Variants in GRIA1 observed in about 807,000 individuals in gnomAD.
GRIA1 encodes the protein glutamate receptor 1.
Under a neutral mutation model 99.2 loss-of-function variants are expected in GRIA1, and 31 were observed. That is an observed-to-expected ratio of 0.31 (90% CI 0.23 to 0.42). The LOEUF is 0.42. Ranked by LOEUF, GRIA1 falls within the 10% of genes least tolerant of loss-of-function variation. The pLI is 1.00. For missense variants in GRIA1, 782 were observed against 1,157.5 expected (o/e 0.68, Z 4.71); for synonymous variants, 438 against 432.4 (o/e 1.01, Z -0.16).
chr5:153,610,449 G>A (rs1309424500), intron 2 of GRIA1, among the ~76,000 whole-genome samples: 1 of 152,204 alleles, frequency 6.6e-6, no homozygotes, highest in African/African-American at 2.4e-5. Context: ...ATTCCCTGGG[G>A]AAGACAAAAG....
intron 2 of GRIA1, among the ~76,000 whole-genome samples, chr5:153,515,087 C>T (rs1322138843): frequency 2.0e-5 from 3 of 152,096 alleles, no homozygotes; most frequent in Non-Finnish European, 2.9e-5. Flanking sequence ...TATCATGATT[C>T]AACCAATTGA....
intron 11 of GRIA1, among the ~76,000 whole-genome samples, chr5:153,747,528 A>G (rs534322157): frequency 9.2e-5 from 14 of 152,340 alleles, no homozygotes; most frequent in African/African-American, 2.9e-4. Flanking sequence ...ATAAATGTCA[A>G]GTGTCTTCCA....
At chr5:153,521,047 C>A (rs1399130677) in intron 2 of GRIA1, among the ~76,000 whole-genome samples, 5 of 152,056 alleles carry the variant, frequency 3.3e-5, no homozygotes, top group African/African-American at 1.2e-4. Context: ...AAATCACTAC[C>A]CCAGAATTCA....
At chr5:153,564,481 A>T (rs72800800) in intron 2 of GRIA1, among the ~76,000 whole-genome samples, 14,726 of 152,150 alleles carry the variant, frequency 0.097, 791 homozygotes, top group South Asian at 0.19. Flanking sequence ...TCTCTTATGG[A>T]TCCCTGGGCC....
intron 11 of GRIA1, among the ~76,000 whole-genome samples, chr5:153,736,555 T>C (rs545509471): frequency 6.6e-6 from 1 of 152,322 alleles, no homozygotes; most frequent in East Asian, 1.9e-4. Context: ...TCTAGCCTTA[T>C]GTATGATCGC....
At chr5:153,628,642 C>T (rs1279568975) in intron 2 of GRIA1, among the ~76,000 whole-genome samples, 1 of 152,248 alleles carries the variant, frequency 6.6e-6, no homozygotes, top group African/African-American at 2.4e-5. Context: ...GCACCTACAA[C>T]TTCATCTGCA....
At position 153,737,272 on chromosome 5, in the gene GRIA1, C is replaced by T. The variant is rs181346393; in HGVS notation, c.1824-27162C>T. Among the ~76,000 whole-genome samples, 506 of 124,388 alleles carry T rather than the reference C, an allele frequency of 4.1e-3. 2 individuals are homozygous for T. Among genetic ancestry groups the T allele is most frequent in the African/African-American group, 0.012 (372 of 31,526 alleles). The allele number at this position is 124,388 out of a possible 152,430, so 81.6% of individuals were successfully genotyped here. Reference sequence around the variant, plus strand: ...TAAGGATACTCCATTTTTCTGGGGACGTGTCTGGCAACCCCGGTAAAAAAA... The same window carrying T: ...TAAGGATACTCCATTTTTCTGGGGATGTGTCTGGCAACCCCGGTAAAAAAA... On this transcript the variant is annotated intron_variant, in intron 11 of 15. Transcript: ENST00000285900.
intron 5 of GRIA1, among the ~76,000 whole-genome samples, chr5:153,664,752 G>T (rs1290914183): frequency 6.6e-6 from 1 of 152,048 alleles, no homozygotes; most frequent in Non-Finnish European, 1.5e-5. Context: ...ACAAATAAAT[G>T]ATTTACTACA....
At chr5:153,683,328 C>A (rs938277783) in intron 7 of GRIA1, among the ~76,000 whole-genome samples, 1 of 152,150 alleles carries the variant, frequency 6.6e-6, no homozygotes, top group African/African-American at 2.4e-5. Context: ...TTTGTTTTAT[C>A]TCAGTGCAAG....
chr5:153,519,178 G>A (rs746990267), intron 2 of GRIA1, among the ~76,000 whole-genome samples: 11 of 151,990 alleles, frequency 7.2e-5, no homozygotes, highest in Non-Finnish European at 1.2e-4. Context: ...CAGGAGAATC[G>A]CTGGAATCGG....
In GRIA1 at chr5:153,539,685, A is replaced by G. The variant is rs868333011; in HGVS notation, c.220+45620A>G. ...CTGCACCTGAATTTTCTGTGTAGGT[A>G]TACTTGTTGAAAAATGTTAATTTCT... On this transcript the variant is annotated intron_variant, in intron 2 of 15. Transcript: ENST00000285900. Among the ~76,000 whole-genome samples, 45 of 152,332 alleles carry G rather than the reference A, an allele frequency of 3.0e-4. 1 individual carries two copies. The highest frequency in any genetic ancestry group is 5.9e-4 in the Admixed American group (9 of 15,298).
intron 2 of GRIA1, among the ~76,000 whole-genome samples, chr5:153,600,388 T>C (rs1201580210): frequency 6.4e-5 from 3 of 47,170 alleles, no homozygotes; most frequent in Non-Finnish European, 1.1e-4. Flanking sequence ...CGAGACTCCA[T>C]CTCAAAAAAA....
intron 13 of GRIA1, among the ~76,000 whole-genome samples, chr5:153,771,856 C>T (rs1361782788): frequency 6.7e-6 from 1 of 148,760 alleles, no homozygotes; most frequent in Non-Finnish European, 1.5e-5. Context: ...ATTAACAGTA[C>T]AACTAAAAAC....
intron 11 of GRIA1, among the ~76,000 whole-genome samples, chr5:153,754,850 CT>C (rs2149594305): frequency 6.6e-6 from 1 of 152,268 alleles, no homozygotes; most frequent in African/African-American, 2.4e-5. Flanking sequence ...TAAAAGATTC[CT>C]TTGCTTTCAT....
intron 2 of GRIA1, among the ~76,000 whole-genome samples, chr5:153,548,492 G>C (rs1454211266): frequency 6.6e-6 from 1 of 152,104 alleles, no homozygotes; most frequent in African/African-American, 2.4e-5. Flanking sequence ...GCAGTAGTTA[G>C]GGGCATATTT....
chr5:153,705,690 TTTTCA>T lies in GRIA1; in HGVS notation c.1453-6_1453-2del. The T allele has an allele frequency of 7.8e-7, 1 of 1,283,634 alleles. No individual in the cohort carries two copies. The highest frequency in any genetic ancestry group is 9.9e-7 in the Non-Finnish European group (1 of 1,010,272). The allele number at this position is 1,283,634 out of a possible 1,614,324, so 79.5% of individuals were successfully genotyped here. A position where few individuals can be genotyped will look rare whatever the true frequency, so the allele number is the denominator to read the frequency against. Reference sequence around the variant, plus strand: ...TTTTTTTTTTTTTTTTTTTTTTTTTTTTTCAGAGAGCAGATGTGGCTGTGGCTCCC... The same window carrying T: ...TTTTTTTTTTTTTTTTTTTTTTTTTTGAGAGCAGATGTGGCTGTGGCTCCC... On this transcript the variant is annotated splice_acceptor_variant and splice_polypyrimidine_tract_variant and intron_variant, in intron 10 of 15. Transcript: ENST00000285900. LOFTEE classifies it high-confidence loss of function.
chr5:153,577,159 TGGATGGA>T (rs1345316357), intron 2 of GRIA1, among the ~76,000 whole-genome samples: 245 of 4,242 alleles, frequency 0.058, 8 homozygotes, highest in Non-Finnish European at 0.17. Context: ...GATGGTTGGA[TGGATGGA>T]TGGATGGATG....
chr5:153,490,763 C>A lies in GRIA1; in HGVS notation c.-126C>A, dbSNP rs766061038. ...AACCTCACGAAAGGAAGGAAGCAAG[C>A]AAGCAAGGAAGGAACTGCAGGAGGA... is the stretch of plus-strand genomic sequence containing the variant. On this transcript the variant is annotated 5_prime_UTR_variant, in exon 1 of 16. Coordinates refer to ENST00000285900, the MANE Select transcript of GRIA1 (RefSeq NM_000827.4). 2 of 774,266 alleles carry A rather than the reference C, an allele frequency of 2.6e-6. No homozygotes were observed. Among genetic ancestry groups the A allele is most frequent in the Non-Finnish European group, 4.6e-6 (2 of 431,298 alleles). 48.0% of individuals were successfully genotyped at this position (774,266 alleles called of 1,614,324 possible).
chr5:153,811,122 G>A lies in GRIA1; in HGVS notation c.2618G>A (p.Gly873Glu), dbSNP rs1766788986. 6.2e-7 allele frequency: 1 copy of A among 1,614,010 alleles called. No individual in the cohort carries two copies. Among genetic ancestry groups the A allele is most frequent in the African/African-American group, 1.3e-5 (1 of 74,946 alleles). The change falls in exon 16 of 16, where the codon GGA becomes GAA. Residue 873 changes from glycine (G) to glutamate (E), a missense_variant. Gly to Glu is a moderately conservative substitution (Grantham distance 98). This residue lies in a region of GRIA1 where 76 missense variants were observed against 81.2 expected (regional missense o/e 0.94). Transcript: ENST00000285900. ...SGAGASSGGS[G>E]ENGRVVSHDF... Reference sequence around the variant, plus strand: ...GCAGGAGCCAGCAGCGGCGGCAGTGGAGAGAATGGTCGGGTGGTCAGCCAT... The same window carrying A: ...GCAGGAGCCAGCAGCGGCGGCAGTGAAGAGAATGGTCGGGTGGTCAGCCAT...
Sources: allele counts gnomAD v4.1 joint callset (sites outside exome capture counted in the v4.1 genomes callset), GRCh38; gene constraint gnomAD v4.1.1; regional missense constraint gnomAD v4.1.1; transcripts MANE v1.5; gene names NCBI Gene and HGNC (gene_info 2026-07-23, HGNC 2026-07-21).